The following HIVEP1 variants were observed in gnomAD, a reference collection of about 807,000 sequenced individuals.
The protein encoded by HIVEP1 is HIVEP zinc finger 1.
HIVEP1 carries 36 observed loss-of-function variants against 180.0 expected under a neutral mutation model. That is an observed-to-expected ratio of 0.20 (90% CI 0.15 to 0.26). The LOEUF (loss-of-function observed/expected upper bound fraction) is 0.26, where lower values mean the gene tolerates loss of function less well. HIVEP1 is among the 10% of genes least tolerant of loss of function. HIVEP1 has a pLI of 1.00. For missense variants in HIVEP1, 3,143 were observed against 3,268.7 expected (o/e 0.96, Z 0.94); for synonymous variants, 1,239 against 1,239.0 (o/e 1.00, Z 0.00).
chr6:12,159,224 G>C (rs1320066034), intron 7 of HIVEP1, among the ~76,000 whole-genome samples: 1 of 152,038 alleles, frequency 6.6e-6, no homozygotes, highest in Non-Finnish European at 1.5e-5. Context: ...GCGCGTGCAC[G>C]TGCACGCTTG....
At chr6:12,168,348 T>TATAC (rs1760812460), downstream of HIVEP1, among the ~76,000 whole-genome samples, 2 of 128,820 alleles carry the variant, frequency 1.6e-5, no homozygotes, top group Non-Finnish European at 1.6e-5. Flanking sequence ...TATATACATG[T>TATAC]ATATGTATAT....
At chr6:12,185,611 A>G in the HIVEP1 span, among the ~76,000 whole-genome samples, 1 of 152,230 alleles carries the variant, frequency 6.6e-6, no homozygotes, top group Non-Finnish European at 1.5e-5. Context: ...CCAAATTAAA[A>G]AGTGAGCCAA....
intron 7 of HIVEP1, among the ~76,000 whole-genome samples, chr6:12,138,634 G>A (rs1229448913): frequency 6.6e-6 from 1 of 152,072 alleles, no homozygotes; most frequent in Non-Finnish European, 1.5e-5. Flanking sequence ...TCCTGTCTGT[G>A]CTCACTTTGT....
intron 2 of HIVEP1, among the ~76,000 whole-genome samples, chr6:12,065,697 G>GCA (rs756177369): frequency 0.032 from 3,878 of 121,738 alleles, 71 homozygotes; most frequent in Middle Eastern, 0.052. Flanking sequence ...GTGTGCGTGT[G>GCA]TGTGTGTGTG....
chr6:12,058,760 T>C (rs1771035194), intron 2 of HIVEP1, among the ~76,000 whole-genome samples: 1 of 152,178 alleles, frequency 6.6e-6, no homozygotes, highest in South Asian at 2.1e-4. Context: ...ACTAGACTCC[T>C]GGTCTCTTGA....
intron 3 of HIVEP1, among the ~76,000 whole-genome samples, chr6:12,116,464 A>T (rs539849124): frequency 6.6e-6 from 1 of 152,072 alleles, no homozygotes; most frequent in Non-Finnish European, 1.5e-5. Flanking sequence ...ATGATAGTGC[A>T]GTATTCTTCT....
the HIVEP1 span, among the ~76,000 whole-genome samples, chr6:12,203,908 C>G: frequency 6.6e-6 from 1 of 152,016 alleles, no homozygotes; most frequent in Non-Finnish European, 1.5e-5. Context: ...GAAACCCCGT[C>G]TCTACTTAAA....
At chr6:12,068,709 A>G (rs922564933) in intron 2 of HIVEP1, among the ~76,000 whole-genome samples, 1 of 152,198 alleles carries the variant, frequency 6.6e-6, no homozygotes, top group Non-Finnish European at 1.5e-5. Context: ...AGGCACTTAT[A>G]TACTTTCAGG....
chr6:12,050,353 A>G (rs1481502718), intron 2 of HIVEP1, among the ~76,000 whole-genome samples: 3 of 152,194 alleles, frequency 2.0e-5, no homozygotes, highest in Admixed American at 6.5e-5. Flanking sequence ...TGGAAGGCCA[A>G]GACGGGCGGA....
chr6:12,209,315 C>T, the HIVEP1 span, among the ~76,000 whole-genome samples: 1 of 152,186 alleles, frequency 6.6e-6, no homozygotes, highest in Non-Finnish European at 1.5e-5. Flanking sequence ...AGCCTGTAAT[C>T]CCAGCTACTT....
chr6:12,127,606 T>C (rs1758166356), intron 4 of HIVEP1, among the ~76,000 whole-genome samples: 1 of 152,106 alleles, frequency 6.6e-6, no homozygotes, highest in Non-Finnish European at 1.5e-5. Flanking sequence ...TAGAGATTCT[T>C]TAGTGCATAG....
chr6:12,024,011 C>T (rs1288102462), intron 2 of HIVEP1, among the ~76,000 whole-genome samples: 1 of 152,114 alleles, frequency 6.6e-6, no homozygotes, highest in Non-Finnish European at 1.5e-5. Context: ...AAGTGCTTTA[C>T]TTTTTCATGT....
At chr6:12,025,874 T>C (rs1468670714) in intron 2 of HIVEP1, among the ~76,000 whole-genome samples, 1 of 152,082 alleles carries the variant, frequency 6.6e-6, no homozygotes, top group Non-Finnish European at 1.5e-5. Flanking sequence ...ACCCTGTCCC[T>C]ACTAAAAATA....
intron 3 of HIVEP1, among the ~76,000 whole-genome samples, chr6:12,104,640 C>T (rs1405595536): frequency 2.0e-5 from 3 of 152,004 alleles, no homozygotes; most frequent in Admixed American, 6.6e-5. Flanking sequence ...CTATATTCTT[C>T]AGCCTGGTCT....
At chr6:12,188,375 G>A in the HIVEP1 span, among the ~76,000 whole-genome samples, 2 of 152,192 alleles carry the variant, frequency 1.3e-5, no homozygotes, top group Non-Finnish European at 2.9e-5. Context: ...TGAATAGATC[G>A]ATACTTTCTT....
chr6:12,133,855 G>A (rs1758563162), intron 6 of HIVEP1, among the ~76,000 whole-genome samples: 1 of 152,062 alleles, frequency 6.6e-6, no homozygotes, highest in South Asian at 2.1e-4. Flanking sequence ...GCAGGCGCCT[G>A]TAATCCCAGC....
the HIVEP1 span, among the ~76,000 whole-genome samples, chr6:12,203,078 T>C: frequency 6.6e-6 from 1 of 152,218 alleles, no homozygotes; most frequent in Non-Finnish European, 1.5e-5. Context: ...ACAGCTCATT[T>C]CTGCATTTTG....
chr6:12,204,995 A>G, the HIVEP1 span, among the ~76,000 whole-genome samples: 1 of 152,186 alleles, frequency 6.6e-6, no homozygotes, highest in Admixed American at 6.5e-5. Context: ...ACCGGTGCAA[A>G]GGCACTGGGG....
chr6:12,069,519 C>T (rs555861739), intron 2 of HIVEP1, among the ~76,000 whole-genome samples: 45 of 134,048 alleles, frequency 3.4e-4, no homozygotes, highest in Non-Finnish European at 5.9e-4. Context: ...GGGAATTGAA[C>T]GATGAGAACA....
Sources: gnomAD v4.1 joint callset for allele counts (sites outside exome capture counted in the v4.1 genomes callset) on GRCh38, gnomAD v4.1.1 for gene constraint, MANE v1.5 for transcripts, NCBI Gene and HGNC (gene_info 2026-07-23, HGNC 2026-07-21) for gene names.